C12orf54: variants seen among roughly 807,000 people sequenced by gnomAD.
The protein encoded by C12orf54 is uncharacterized protein C12orf54.
Under a neutral mutation model 26.4 loss-of-function variants are expected in C12orf54, and 24 were observed. The ratio of observed to expected loss-of-function variants is 0.91; its 90% CI spans 0.66 to 1.28. C12orf54 has a LOEUF of 1.28. C12orf54 is among the 50% of genes most tolerant of loss of function. The pLI, the probability that C12orf54 is intolerant of heterozygous loss-of-function variation, is 0.00. For missense variants in C12orf54, 154 were observed against 150.9 expected (o/e 1.02, Z -0.11); for synonymous variants, 54 against 47.0 (o/e 1.15, Z -0.61).
upstream of C12orf54, among the ~76,000 whole-genome samples, chr12:48,478,861 AAAC>A (rs1417491076): frequency 1.4e-4 from 21 of 152,164 alleles, no homozygotes; most frequent in African/African-American, 4.3e-4. Context: ...AAAAGTCAGG[AAAC>A]AACAGGTGCT....
chr12:48,487,441 G>A (rs1273747266), intron 4 of C12orf54, among the ~76,000 whole-genome samples: 1 of 152,180 alleles, frequency 6.6e-6, no homozygotes, highest in Non-Finnish European at 1.5e-5. Flanking sequence ...AATGAATAAT[G>A]TGTCCAACAT....
At chr12:48,475,486 A>G in the C12orf54 span, among the ~76,000 whole-genome samples, 1 of 152,140 alleles carries the variant, frequency 6.6e-6, no homozygotes, top group African/African-American at 2.4e-5. Flanking sequence ...CAAAGAAGTT[A>G]AAAGCTTTGA....
chr12:48,483,495 C>T, intron 2 of C12orf54, 134 bp downstream of exon 2: 1 of 663,044 alleles, frequency 1.5e-6, no homozygotes. Context: ...TGGGGACTTT[C>T]ATGTGTCCTC....
the C12orf54 span, among the ~76,000 whole-genome samples, chr12:48,429,900 C>T: frequency 6.6e-6 from 1 of 152,076 alleles, no homozygotes; most frequent in African/African-American, 2.4e-5. Context: ...CATCATACTA[C>T]CTGATTTCAA....
chr12:48,457,003 C>A, the C12orf54 span, among the ~76,000 whole-genome samples: 1 of 151,960 alleles, frequency 6.6e-6, no homozygotes, highest in Non-Finnish European at 1.5e-5. Flanking sequence ...TAAAATCTTT[C>A]CTTTCTTGGT....
intron 6 of C12orf54, among the ~76,000 whole-genome samples, chr12:48,491,769 G>A (rs1937795053): frequency 6.6e-6 from 1 of 152,116 alleles, no homozygotes; most frequent in Non-Finnish European, 1.5e-5. Context: ...GCCATATCTG[G>A]AACTTTTTTC....
chr12:48,423,503 T>C, the C12orf54 span, among the ~76,000 whole-genome samples: 1 of 151,912 alleles, frequency 6.6e-6, no homozygotes, highest in Non-Finnish European at 1.5e-5. Context: ...TATGCAAAAA[T>C]TCAGTAGTGG....
chr12:48,422,617 A>G, the C12orf54 span, among the ~76,000 whole-genome samples: 1 of 152,214 alleles, frequency 6.6e-6, no homozygotes, highest in Non-Finnish European at 1.5e-5. Flanking sequence ...CTCATTCACA[A>G]TGGCAAAAAT....
At chr12:48,433,656 C>T in the C12orf54 span, among the ~76,000 whole-genome samples, 1 of 152,144 alleles carries the variant, frequency 6.6e-6, no homozygotes, top group East Asian at 1.9e-4. Context: ...ACCATGTTAG[C>T]CAGGATGGTC....
At chr12:48,432,537 G>T in the C12orf54 span, among the ~76,000 whole-genome samples, 1 of 152,010 alleles carries the variant, frequency 6.6e-6, no homozygotes, top group Non-Finnish European at 1.5e-5. Flanking sequence ...TATACTGGAG[G>T]TCCTGGCTGC....
chr12:48,487,968 G>A, intron 4 of C12orf54: 1 of 746,238 alleles, frequency 1.3e-6, no homozygotes, highest in South Asian at 1.5e-5. Context: ...AAGAAGAACT[G>A]GGTTGCCATT....
At chr12:48,436,665 T>C in the C12orf54 span, among the ~76,000 whole-genome samples, 1 of 152,166 alleles carries the variant, frequency 6.6e-6, no homozygotes, top group Admixed American at 6.5e-5. Flanking sequence ...ATGGGGTACA[T>C]AACGAAATCA....
chr12:48,437,939 G>C, the C12orf54 span, among the ~76,000 whole-genome samples: 2 of 152,074 alleles, frequency 1.3e-5, no homozygotes, highest in Admixed American at 6.6e-5. Flanking sequence ...AGGGCATTCA[G>C]TTAGGAAAAG....
chr12:48,465,578 A>G, the C12orf54 span, among the ~76,000 whole-genome samples: 1 of 152,182 alleles, frequency 6.6e-6, no homozygotes, highest in Non-Finnish European at 1.5e-5. Flanking sequence ...TAACCAAAGG[A>G]ATATAAATTG....
intron 6 of C12orf54, among the ~76,000 whole-genome samples, chr12:48,491,272 C>A (rs536617756): frequency 3.3e-5 from 5 of 152,266 alleles, no homozygotes; most frequent in African/African-American, 9.6e-5. Flanking sequence ...CATAGACAAC[C>A]AACTTTTTCA....
At chr12:48,416,352 G>A in the C12orf54 span, among the ~76,000 whole-genome samples, 1 of 152,146 alleles carries the variant, frequency 6.6e-6, no homozygotes, top group Non-Finnish European at 1.5e-5. Flanking sequence ...CAGTCATACA[G>A]CCTTCTTTCT....
chr12:48,489,265 C>T (rs746750345), intron 5 of C12orf54: 3 of 540,664 alleles, frequency 5.5e-6, no homozygotes, highest in Admixed American at 2.3e-5. Flanking sequence ...GGGGAGAATC[C>T]CCTAGTGATG....
the C12orf54 span, among the ~76,000 whole-genome samples, chr12:48,457,330 T>C: frequency 6.6e-6 from 1 of 151,566 alleles, no homozygotes; most frequent in Non-Finnish European, 1.5e-5. Context: ...TTTTGTTTAG[T>C]TTTTTTGTTT....
chr12:48,494,674 C>T, intron 7 of C12orf54, 124 bp from the exon 8 acceptor site: 1 of 1,075,076 alleles, frequency 9.3e-7, no homozygotes, highest in East Asian at 2.4e-5. Context: ...CTCCCAGAGC[C>T]TGAGATGCCC....
Sources: allele counts gnomAD v4.1 joint callset (sites outside exome capture counted in the v4.1 genomes callset), GRCh38; gene constraint gnomAD v4.1.1; transcripts MANE v1.5; gene names NCBI Gene and HGNC (gene_info 2026-07-23, HGNC 2026-07-21).